SYNC: variants seen among roughly 807,000 people sequenced by gnomAD.
SYNC encodes syncoilin, intermediate filament protein.
SYNC carries 38 observed loss-of-function variants against 49.5 expected under a neutral mutation model. The observed-to-expected ratio is 0.77, with a 90% CI of 0.59 to 1.01. SYNC has a LOEUF of 1.01. Among genes scored for constraint, SYNC ranks in the 50% least tolerant of loss-of-function variants. SYNC has a pLI of 0.00. For synonymous variants in SYNC, 201 were observed against 230.8 expected, an observed-to-expected ratio of 0.87 and a Z score of 1.17; for missense variants, 579 against 580.6, an observed-to-expected ratio of 1.00 and a Z score of 0.03.
Position 32,680,354 on chromosome 1 carries a change from T to G in SYNC, c.*1496A>C. The stretch of plus-strand genomic sequence containing the variant: ...TGAAATGGTGTTTTTTTTTTTGTTG[T>G]TGGTTTTTTTTTTTTTTTTTTTAAC... On this transcript the variant is annotated 3_prime_UTR_variant, in exon 5 of 5. Transcript: ENST00000409190. The G allele has an allele frequency of 6.7e-6, 8 of 1,189,366 alleles. No individual in the cohort carries two copies. Among genetic ancestry groups the G allele is most frequent in the Non-Finnish European group, 8.4e-6 (8 of 952,760 alleles). 73.7% of individuals were successfully genotyped at this position (1,189,366 alleles called of 1,614,324 possible).
At position 32,679,936 on chromosome 1, in the gene SYNC, A is replaced by G; in HGVS notation, c.*1914T>C. On this transcript the variant is annotated 3_prime_UTR_variant, in exon 5 of 5. Coordinates refer to ENST00000409190, the MANE Select transcript of SYNC (RefSeq NM_030786.3). Reference sequence around the variant, plus strand: ...AATTTTCTTCAGGAATTTTCTAGTAACCCAGGTCTAAAGTAGCTACAGAAA... The same window carrying G: ...AATTTTCTTCAGGAATTTTCTAGTAGCCCAGGTCTAAAGTAGCTACAGAAA... 1 of 1,295,144 alleles carries G rather than the reference A, an allele frequency of 7.7e-7. No homozygotes were observed. Among genetic ancestry groups the G allele is most frequent in the Non-Finnish European group, 9.8e-7 (1 of 1,024,544 alleles). 80.2% of individuals were successfully genotyped at this position (1,295,144 alleles called of 1,614,324 possible).
At position 32,696,888 on chromosome 1, in the gene SYNC, C is replaced by T. The variant is rs544489802; in HGVS notation, c.54-844G>A. Among the ~76,000 whole-genome samples the T allele has an allele frequency of 5.3e-5, 8 of 151,726 alleles. 1 individual carries two copies. In the South Asian group the frequency reaches 1.5e-3, roughly 28 times the overall value. On this transcript the variant is annotated intron_variant, in intron 1 of 4. Transcript: ENST00000409190. ...TCCACCTCCCAGGTAGGTGGGACTACAGACACGTGCCATCACACTCAGCTG... is the reference window on the plus strand; with the variant it reads ...TCCACCTCCCAGGTAGGTGGGACTATAGACACGTGCCATCACACTCAGCTG...
chr1:32,690,240 T>C (rs754091445), intron 2 of SYNC, among the ~76,000 whole-genome samples: 3 of 152,206 alleles, frequency 2.0e-5, no homozygotes, highest in Admixed American at 6.5e-5. Flanking sequence ...CTTTGTGTCA[T>C]AAGATTATCT....
In SYNC at chr1:32,702,731, G is replaced by C. The variant is rs2148567103; in HGVS notation, c.-71C>G. On this transcript the variant is annotated 5_prime_UTR_variant, in exon 1 of 5. Coordinates refer to ENST00000409190, the MANE Select transcript of SYNC (RefSeq NM_030786.3). The surrounding 1 kb of genome is among the most constrained non-coding windows in gnomAD (Gnocchi z 6.2). ...CCGCGGGCCCCTCGCTCCGGCGCCC[G>C]CGCCCGCCGCACTGCCAGCTGCAAC... The C allele has an allele frequency of 9.3e-7, 1 of 1,078,608 alleles. No homozygotes were observed. Among genetic ancestry groups the C allele is most frequent in the Non-Finnish European group, 1.1e-6 (1 of 888,142 alleles). The allele number at this position is 1,078,608 out of a possible 1,614,324, so 66.8% of individuals were successfully genotyped here.
In SYNC at chr1:32,702,711, G is replaced by C; in HGVS notation, c.-51C>G. 6 of 1,127,376 alleles carry C rather than the reference G, an allele frequency of 5.3e-6. No individual in the cohort carries two copies. Among genetic ancestry groups the C allele is most frequent in the Non-Finnish European group, 6.5e-6 (6 of 921,648 alleles). 69.8% of individuals were successfully genotyped at this position (1,127,376 alleles called of 1,614,324 possible). On this transcript the variant is annotated 5_prime_UTR_variant, in exon 1 of 5. Transcript: ENST00000409190. The surrounding 1 kb of genome is among the most constrained non-coding windows in gnomAD (Gnocchi z 6.2). ...CGCGTTATTAATAGCCGGGCCCGCGGGCCCCTCGCTCCGGCGCCCGCGCCC... is the reference window on the plus strand; with the variant it reads ...CGCGTTATTAATAGCCGGGCCCGCGCGCCCCTCGCTCCGGCGCCCGCGCCC...
At chr1:32,691,810 A>G (rs1382706302) in intron 2 of SYNC, among the ~76,000 whole-genome samples, 1 of 152,090 alleles carries the variant, frequency 6.6e-6, no homozygotes, top group Non-Finnish European at 1.5e-5. Flanking sequence ...AAAATTTGTA[A>G]TTATTTATGT....
At chr1:32,697,609 C>T (rs977514905) in intron 1 of SYNC, among the ~76,000 whole-genome samples, 4 of 151,566 alleles carry the variant, frequency 2.6e-5, no homozygotes, top group African/African-American at 9.7e-5. Flanking sequence ...TGATGGTGTA[C>T]ACCTGTAGTC....
At chr1:32,683,908 C>T in intron 4 of SYNC, 102 bp downstream of exon 4, 1 of 1,158,912 alleles carries the variant, frequency 8.6e-7, no homozygotes, top group Admixed American at 1.9e-5. Context: ...GCTAGGATTA[C>T]AGGCGTGAGC....
intron 2 of SYNC, among the ~76,000 whole-genome samples, chr1:32,693,174 C>T (rs1650250912): frequency 6.6e-6 from 1 of 151,656 alleles, no homozygotes; most frequent in South Asian, 2.1e-4. Context: ...CCTCCGCCTC[C>T]CGGGTTCAAG....
intron 1 of SYNC, among the ~76,000 whole-genome samples, chr1:32,696,294 C>A (rs780094026): frequency 2.0e-5 from 3 of 152,054 alleles, no homozygotes; most frequent in African/African-American, 4.8e-5. Context: ...ACCTGAGGCA[C>A]CACTGTTTGT....
At position 32,680,410 on chromosome 1, in the gene SYNC, T is replaced by C; in HGVS notation, c.*1440A>G. 1 of 1,345,344 alleles carries C rather than the reference T, an allele frequency of 7.4e-7. No individual in the cohort carries two copies. The highest frequency in any genetic ancestry group is 9.6e-7 in the Non-Finnish European group (1 of 1,043,414). The allele number at this position is 1,345,344 out of a possible 1,614,324, so 83.3% of individuals were successfully genotyped here. ...ACCACCAAGTTGTAAAGATGTATGT[T>C]TTTACCTGACAGTTATACCACAGGT... is the stretch of plus-strand genomic sequence containing the variant. On this transcript the variant is annotated 3_prime_UTR_variant, in exon 5 of 5. Coordinates refer to ENST00000409190, the MANE Select transcript of SYNC (RefSeq NM_030786.3).
intron 2 of SYNC, among the ~76,000 whole-genome samples, chr1:32,689,603 G>A (rs1320201020): frequency 1.3e-5 from 2 of 152,028 alleles, no homozygotes; most frequent in African/African-American, 4.8e-5. Flanking sequence ...TAGAGGCAAC[G>A]TTAAGAGTGG....
intron 2 of SYNC, among the ~76,000 whole-genome samples, chr1:32,687,852 A>AT (rs1557871631): frequency 6.4e-5 from 2 of 31,116 alleles, no homozygotes; most frequent in Non-Finnish European, 5.1e-4. Context: ...TATTATTATT[A>AT]TTATTATTAT....
rs533611940 is a variant in SYNC at position 32,689,102 on chromosome 1, C to G, written c.1234-4720G>C. Among the ~76,000 whole-genome samples, 28 of 151,142 alleles carry G rather than the reference C, an allele frequency of 1.9e-4. No homozygotes were observed. In the South Asian group the frequency reaches 5.9e-3, roughly 32 times the overall value. Reference sequence around the variant, plus strand: ...CACAGGCACATGCCACCACGCCCAGCTAATTTTTGTATTTTTTAGTAGAGA... The same window carrying G: ...CACAGGCACATGCCACCACGCCCAGGTAATTTTTGTATTTTTTAGTAGAGA... On this transcript the variant is annotated intron_variant, in intron 2 of 4. Transcript: ENST00000409190.
Position 32,681,739 on chromosome 1 carries a change from C to G in SYNC, c.*111G>C, listed in dbSNP as rs780732372. 3 of 1,580,494 alleles carry G rather than the reference C, an allele frequency of 1.9e-6. No homozygotes were observed. Among genetic ancestry groups the G allele is most frequent in the Non-Finnish European group, 2.6e-6 (3 of 1,152,312 alleles). On this transcript the variant is annotated 3_prime_UTR_variant, in exon 5 of 5. Coordinates refer to ENST00000409190, the MANE Select transcript of SYNC (RefSeq NM_030786.3). ...AACTTCCACAGGATGAATTGCTTGC[C>G]AAGTTTCTGGCACTCTTGTCTGGTT...
At chr1:32,689,664 CG>C (rs1472776502) in intron 2 of SYNC, among the ~76,000 whole-genome samples, 2 of 151,846 alleles carry the variant, frequency 1.3e-5, no homozygotes, top group Admixed American at 6.6e-5. Context: ...GCTGATGGGC[CG>C]GGCGTGGTGG....
upstream of SYNC, chr1:32,702,794 C>G: frequency 1.3e-6 from 1 of 770,182 alleles, no homozygotes; most frequent in African/African-American, 1.9e-5. This position sits in a 1 kb window ranked among gnomAD's most constrained non-coding sequence, Gnocchi z 6.2. Flanking sequence ...CCGGGCGCGC[C>G]CACTTGGCCG....
intron 2 of SYNC, among the ~76,000 whole-genome samples, chr1:32,687,726 T>C (rs1016987206): frequency 3.3e-5 from 5 of 151,618 alleles, no homozygotes; most frequent in African/African-American, 1.2e-4. Flanking sequence ...ACATTCCTTG[T>C]GATTCCACCA....
intron 2 of SYNC, among the ~76,000 whole-genome samples, chr1:32,689,275 A>C (rs1456263835): frequency 4.4e-5 from 2 of 45,878 alleles, no homozygotes; most frequent in African/African-American, 1.2e-4. Context: ...GAGGTGAGTC[A>C]CTGTCACCCA....
Sources: allele counts gnomAD v4.1 joint callset (sites outside exome capture counted in the v4.1 genomes callset), GRCh38; gene constraint gnomAD v4.1.1; non-coding constraint Gnocchi (gnomAD v3.1); transcripts MANE v1.5; gene names NCBI Gene and HGNC (gene_info 2026-07-23, HGNC 2026-07-21).